The following TMEM229B variants were observed in gnomAD, a reference collection of about 807,000 sequenced individuals.
TMEM229B encodes the protein chromosome 14 open reading frame 83.
A neutral mutation model predicts 13.7 loss-of-function variants in TMEM229B; 6 were observed. The ratio of observed to expected loss-of-function variants is 0.44; its 90% CI spans 0.24 to 0.86. TMEM229B has a LOEUF of 0.86. Ranked by LOEUF, TMEM229B falls within the 40% of genes least tolerant of loss-of-function variation. TMEM229B has a pLI of 0.23. For synonymous variants in TMEM229B, 107 were observed against 102.1 expected (o/e 1.05, Z -0.29); for missense variants, 170 against 236.0 (o/e 0.72, Z 1.83).
At chr14:67,532,746 T>C (rs2033506569) in intron 1 of TMEM229B, among the ~76,000 whole-genome samples, 1 of 152,206 alleles carries the variant, frequency 6.6e-6, no homozygotes, top group Admixed American at 6.5e-5. Context: ...TCCTGCAAAT[T>C]GCAACTCAGA....
rs371172272 is a variant in TMEM229B at position 67,473,720 on chromosome 14, G to A, written c.204C>T (p.Arg68=). ...AGCGCAGGAGCAGCGGGCAGCGGCCGCGCAGCCGCAGGTACATGCGCTCCA... is the reference window on the plus strand; with the variant it reads ...AGCGCAGGAGCAGCGGGCAGCGGCCACGCAGCCGCAGGTACATGCGCTCCA... The part of the protein sequence containing the change: ...LIVERMYLRL[R]GRCPLLLRCL... Residue 68 remains arginine, a synonymous_variant, in exon 3 of 3, where the codon CGC becomes CGT. Coordinates refer to ENST00000554480, the MANE Select transcript of TMEM229B (RefSeq NM_001348543.2). This position sits in a 1 kb window ranked among gnomAD's most constrained non-coding sequence, Gnocchi z 6.5. 10 of 1,606,326 alleles carry A rather than the reference G, an allele frequency of 6.2e-6. No homozygotes were observed. Among genetic ancestry groups the A allele is most frequent in the African/African-American group, 4.0e-5 (3 of 74,856 alleles).
At chr14:67,492,831 T>C (rs760076515), upstream of TMEM229B, among the ~76,000 whole-genome samples, 2 of 152,228 alleles carry the variant, frequency 1.3e-5, no homozygotes, top group Non-Finnish European at 2.9e-5. Context: ...GAAGGCCAGG[T>C]ACTGTACCAT....
intron 1 of TMEM229B, chr14:67,533,178 G>T (rs1276584342): frequency 1.3e-5 from 2 of 151,880 alleles, no homozygotes. Context: ...CGTTGAATGG[G>T]GCGCAGCAAG....
intron 1 of TMEM229B, among the ~76,000 whole-genome samples, chr14:67,505,770 G>A (rs1474082053): frequency 4.0e-5 from 6 of 151,422 alleles, no homozygotes; most frequent in South Asian, 2.1e-4. Context: ...GCAGTGGTGC[G>A]ATCTCAGCTC....
chr14:67,506,558 T>C (rs1029992489), intron 1 of TMEM229B, among the ~76,000 whole-genome samples: 1 of 151,768 alleles, frequency 6.6e-6, no homozygotes, highest in African/African-American at 2.4e-5. Flanking sequence ...GAATAAGAGG[T>C]GAGGAAAATG....
At chr14:67,492,697 C>A (rs2081017290), upstream of TMEM229B, among the ~76,000 whole-genome samples, 1 of 152,216 alleles carries the variant, frequency 6.6e-6, no homozygotes, top group Non-Finnish European at 1.5e-5. Context: ...ACAGCCTGTA[C>A]AGCCAAGCCA....
chr14:67,491,350 T>C (rs1261996539), upstream of TMEM229B, among the ~76,000 whole-genome samples: 2 of 152,116 alleles, frequency 1.3e-5, no homozygotes, highest in African/African-American at 4.8e-5. Context: ...CTCCCACACC[T>C]TTCTTGGAGG....
Position 67,508,365 on chromosome 14 carries a change from C to T in TMEM229B, c.-192+6721G>A, listed in dbSNP as rs113870577. On this transcript the variant is annotated intron_variant, in intron 1 of 2. Coordinates refer to the TMEM229B transcript ENST00000357461. ...AGGCTGGATCATCTAGCATTATTACCTGAAGAGAGGTTAGAGAATATCTTG... is the reference window on the plus strand; with the variant it reads ...AGGCTGGATCATCTAGCATTATTACTTGAAGAGAGGTTAGAGAATATCTTG... 2.8e-3 allele frequency among the ~76,000 whole-genome samples: 430 copies of T among 152,120 alleles called. 3 individuals carry two copies. Among genetic ancestry groups the T allele is most frequent in the African/African-American group, 9.8e-3 (405 of 41,488 alleles).
chr14:67,533,629 G>T (rs915415451), intron 1 of TMEM229B: 1 of 152,188 alleles, frequency 6.6e-6, no homozygotes, highest in Non-Finnish European at 1.5e-5. Flanking sequence ...GCCTCCCCCG[G>T]GAGTACCTGG....
intron 1 of TMEM229B, among the ~76,000 whole-genome samples, chr14:67,522,354 C>G (rs1345003830): frequency 6.6e-6 from 1 of 152,216 alleles, no homozygotes; most frequent in African/African-American, 2.4e-5. Flanking sequence ...AAAATCCAAA[C>G]TCCAAGCTGG....
chr14:67,492,028 C>A (rs571383271), upstream of TMEM229B, among the ~76,000 whole-genome samples: 3 of 152,314 alleles, frequency 2.0e-5, 1 homozygote, highest in African/African-American at 7.2e-5. Context: ...TGACATCTCA[C>A]CCCACTGTCT....
chr14:67,511,883 T>A (rs184361738), intron 1 of TMEM229B, among the ~76,000 whole-genome samples: 1 of 152,354 alleles, frequency 6.6e-6, no homozygotes, highest in East Asian at 1.9e-4. Flanking sequence ...TTTTCCATCT[T>A]GGAAATGTGA....
intron 1 of TMEM229B, among the ~76,000 whole-genome samples, chr14:67,507,353 A>G (rs2032863869): frequency 6.6e-6 from 1 of 151,776 alleles, no homozygotes; most frequent in Admixed American, 6.6e-5. Context: ...TGTCTCTAAA[A>G]TAAACAAAAA....
intron 1 of TMEM229B, among the ~76,000 whole-genome samples, chr14:67,524,711 G>A (rs947471765): frequency 2.6e-5 from 4 of 152,144 alleles, no homozygotes; most frequent in Non-Finnish European, 5.9e-5. Flanking sequence ...TTGGACAACC[G>A]CCAAACCACA....
chr14:67,528,680 C>G lies in TMEM229B; in HGVS notation c.-192+4956G>C, dbSNP rs118177430. Among the ~76,000 whole-genome samples the G allele has an allele frequency of 4.5e-3, 682 of 152,298 alleles. 20 individuals carry two copies. In the East Asian group the frequency reaches 0.064, roughly 14 times the overall value. On this transcript the variant is annotated intron_variant, in intron 1 of 2. Transcript: ENST00000554278. ...CCTCTCCTGTCCCTATCCCATTAAG[C>G]CCCCATTCACCTGGCTCTCTCTTGC... is the stretch of plus-strand genomic sequence containing the variant.
intron 1 of TMEM229B, among the ~76,000 whole-genome samples, chr14:67,523,862 G>A (rs907295539): frequency 1.3e-5 from 2 of 152,102 alleles, no homozygotes; most frequent in African/African-American, 4.8e-5. Context: ...CATATCCATG[G>A]GCAGTAATGT....
Position 67,473,710 on chromosome 14 carries a change from G to T in TMEM229B, c.214C>A (p.Pro72Thr). Residue 72 changes from proline to threonine, a missense_variant, in exon 3 of 3, where the codon CCG (proline) becomes ACG (threonine). Transcript: ENST00000554480. The surrounding 1 kb of genome is among the most constrained non-coding windows in gnomAD (Gnocchi z 6.5). ...RMYLRLRGRC[P>T]LLLRCLIYTL... The stretch of plus-strand genomic sequence containing the variant: ...TAGATGAGGCAGCGCAGGAGCAGCG[G>T]GCAGCGGCCGCGCAGCCGCAGGTAC... 6.2e-7 allele frequency: 1 copy of T among 1,600,018 alleles called. No homozygotes were observed. The highest frequency in any genetic ancestry group is 1.3e-5 in the African/African-American group (1 of 74,570).
chr14:67,486,375 A>C (rs965524422), intron 2 of TMEM229B, among the ~76,000 whole-genome samples: 5 of 152,238 alleles, frequency 3.3e-5, no homozygotes, highest in African/African-American at 2.4e-5. Context: ...CCCAGGTTCA[A>C]GCGATTCTCC....
chr14:67,523,869 ATG>A (rs2033327154), intron 1 of TMEM229B, among the ~76,000 whole-genome samples: 1 of 152,008 alleles, frequency 6.6e-6, no homozygotes, highest in Non-Finnish European at 1.5e-5. Flanking sequence ...ATGGGCAGTA[ATG>A]TCAGGTATAG....
Sources: gnomAD v4.1 joint callset for allele counts (sites outside exome capture counted in the v4.1 genomes callset) on GRCh38, gnomAD v4.1.1 for gene constraint, Gnocchi (gnomAD v3.1) non-coding constraint, MANE v1.5 for transcripts, NCBI Gene and HGNC (gene_info 2026-07-23, HGNC 2026-07-21) for gene names.